PLXNA1: variants seen among roughly 807,000 people sequenced by gnomAD.
PLXNA1 encodes the protein plexin-A1.
PLXNA1 carries 77 observed loss-of-function variants against 191.7 expected under a neutral mutation model. That is an observed-to-expected ratio of 0.40 (90% CI 0.33 to 0.49). The LOEUF is 0.49. Ranked by LOEUF, PLXNA1 falls within the 20% of genes least tolerant of loss-of-function variation. The probability of loss-of-function intolerance (pLI) is 0.63; values close to 1 mark genes in which losing one functional copy is unlikely to be tolerated. For synonymous variants in PLXNA1, 1,137 were observed against 1,156.4 expected, an observed-to-expected ratio of 0.98 and a Z score of 0.34; for missense variants, 2,110 against 2,660.2, an observed-to-expected ratio of 0.79 and a Z score of 4.55.
Position 126,991,574 on chromosome 3 carries a change from C to T in PLXNA1, c.1377+8C>T. ...AGTGGCCGCATCCGCAAGGTCAGGCCTGGGTGGGGTGGGGTGAGGAGGGGG... is the reference window on the plus strand; with the variant it reads ...AGTGGCCGCATCCGCAAGGTCAGGCTTGGGTGGGGTGGGGTGAGGAGGGGG... On this transcript the variant is annotated splice_region_variant and intron_variant, in intron 3 of 31. Coordinates refer to ENST00000393409, the MANE Select transcript of PLXNA1 (RefSeq NM_032242.4). The T allele has an allele frequency of 1.3e-6, 2 of 1,542,826 alleles. No individual in the cohort carries two copies. The highest frequency in any genetic ancestry group is 1.4e-5 in the African/African-American group (1 of 73,486).
intron 28 of PLXNA1, 33 bp from the exon 29 acceptor site, chr3:127,030,210 C>A (rs761591745): frequency 6.2e-7 from 1 of 1,607,720 alleles, no homozygotes; most frequent in South Asian, 1.1e-5. Context: ...AGGCAGCGCC[C>A]TGGGGCTCAG....
Position 127,017,593 on chromosome 3 carries a change from G to A in PLXNA1, c.3445G>A (p.Asp1149Asn). 1 of 1,613,670 alleles carries A rather than the reference G, an allele frequency of 6.2e-7. No individual in the cohort carries two copies. The highest frequency in any genetic ancestry group is 8.5e-7 in the Non-Finnish European group (1 of 1,180,010). The change falls in exon 18 of 32, where the codon GAC becomes AAC. Residue 1149 changes from aspartate to asparagine, a missense_variant. Physicochemically the swap from Asp to Asn is conservative, Grantham distance 23. Coordinates refer to ENST00000393409, the MANE Select transcript of PLXNA1 (RefSeq NM_032242.4). ...CTCCACCTCCTTCCTCTACTACCCT[G>A]ACCCCGTACTGGAGCCACTCAGCCC... Reference protein sequence around the residue: ...LNSTSFLYYPDPVLEPLSPTG... With the variant: ...LNSTSFLYYPNPVLEPLSPTG...
chr3:127,004,846 G>T, intron 5 of PLXNA1, 39 bp from the exon 6 acceptor site: 1 of 1,566,180 alleles, frequency 6.4e-7, no homozygotes, highest in Non-Finnish European at 8.7e-7. Context: ...GGCCCCGTAG[G>T]TCTCCCCATC....
chr3:126,992,955 C>A (rs1394442370), intron 3 of PLXNA1, among the ~76,000 whole-genome samples: 1 of 152,256 alleles, frequency 6.6e-6, no homozygotes, highest in South Asian at 2.1e-4. Flanking sequence ...AGACAGAGGA[C>A]CGTGCTTGTG....
Position 127,017,450 on chromosome 3 carries a change from C to T in PLXNA1, c.3302C>T (p.Thr1101Ile). The change falls in exon 18 of 32, where the codon ACC becomes ATC. Residue 1101 changes from threonine to isoleucine, a missense_variant. Transcript: ENST00000393409. ...ENGCLVYNDT[T>I]MVCRAPSVAN... ...GGCTGCCTGGTGTACAATGACACCA[C>T]CATGGTATGCCGCGCCCCGTCTGTG... The T allele has an allele frequency of 1.2e-6, 2 of 1,613,172 alleles. No individual in the cohort carries two copies. Among genetic ancestry groups the T allele is most frequent in the Non-Finnish European group, 1.7e-6 (2 of 1,179,988 alleles).
chr3:126,995,311 G>A (rs528102443), intron 3 of PLXNA1, among the ~76,000 whole-genome samples: 2 of 152,162 alleles, frequency 1.3e-5, no homozygotes, highest in Non-Finnish European at 2.9e-5. Flanking sequence ...AGCTCCTCCC[G>A]TGGCCTCTGG....
intron 23 of PLXNA1, among the ~76,000 whole-genome samples, chr3:127,024,638 G>A (rs1309961677): frequency 6.6e-6 from 1 of 152,152 alleles, no homozygotes; most frequent in African/African-American, 2.4e-5. Context: ...AGTGTCGGGG[G>A]CAGGCAGGGG....
intron 23 of PLXNA1, among the ~76,000 whole-genome samples, chr3:127,025,227 C>T (rs1446488311): frequency 5.9e-5 from 9 of 152,166 alleles, no homozygotes; most frequent in Non-Finnish European, 1.2e-4. Flanking sequence ...CACTTGTCAT[C>T]TCTCCCTCCC....
At chr3:126,992,831 TGTG>T (rs1281851795) in intron 3 of PLXNA1, among the ~76,000 whole-genome samples, 12 of 152,122 alleles carry the variant, frequency 7.9e-5, no homozygotes, top group Admixed American at 7.8e-4. Context: ...GGTACCGCCC[TGTG>T]GCTCTGGTGC....
In PLXNA1 at chr3:127,033,947, A is replaced by G; in HGVS notation, c.5621A>G (p.Glu1874Gly). 1 of 1,605,300 alleles carries G rather than the reference A, an allele frequency of 6.2e-7. No homozygotes were observed. The highest frequency in any genetic ancestry group is 8.5e-7 in the Non-Finnish European group (1 of 1,177,214). ...ATCCTGGCAGCCCTGGAGAAGGATG[A>G]GCAGGCGCGGCGGCAGCGGCTGCGG... ...DEILAALEKD[E>G]QARRQRLRSK... Residue 1874 changes from glutamate to glycine, a missense_variant, in exon 32 of 32, where the codon GAG (glutamate) becomes GGG (glycine). Glu to Gly is a moderately conservative substitution (Grantham distance 98, BLOSUM62 -2). Coordinates refer to ENST00000393409, the MANE Select transcript of PLXNA1 (RefSeq NM_032242.4).
intron 3 of PLXNA1, among the ~76,000 whole-genome samples, chr3:126,992,276 G>A (rs1226529147): frequency 2.0e-5 from 3 of 152,136 alleles, no homozygotes; most frequent in Non-Finnish European, 1.5e-5. Context: ...GGCTGGCCTG[G>A]TGTGGAGGAA....
intron 19 of PLXNA1, 125 bp downstream of exon 19, chr3:127,018,017 C>A: frequency 7.5e-7 from 1 of 1,336,216 alleles, no homozygotes; most frequent in Non-Finnish European, 1.0e-6. Flanking sequence ...GGGCGCCCGG[C>A]TCCAGTGCAG....
At chr3:126,984,403 G>C (rs2078947177) in intron 1 of PLXNA1, among the ~76,000 whole-genome samples, 1 of 152,230 alleles carries the variant, frequency 6.6e-6, no homozygotes, top group Admixed American at 6.5e-5. Flanking sequence ...AGCCGGTTTG[G>C]GGGTCGGTGC....
rs368708452 is a variant in PLXNA1, at chr3:127,016,927, C to T, written c.3183-17C>T. ...CCAGCATCATTTGGTGACCCCCCCA[C>T]CCCTGTCCTGTTCCAGCGGTGGGAC... On this transcript the variant is annotated splice_polypyrimidine_tract_variant and intron_variant, in intron 16 of 31. Coordinates refer to ENST00000393409, the MANE Select transcript of PLXNA1 (RefSeq NM_032242.4). 70 of 1,606,506 alleles carry T rather than the reference C, an allele frequency of 4.4e-5. No homozygotes were observed. Among genetic ancestry groups the T allele is most frequent in the Non-Finnish European group, 1.4e-5 (16 of 1,175,038 alleles).
intron 7 of PLXNA1, among the ~76,000 whole-genome samples, chr3:127,005,678 T>A (rs1466743175): frequency 6.6e-6 from 1 of 151,098 alleles, no homozygotes; most frequent in Non-Finnish European, 1.5e-5. Flanking sequence ...AGACCTGGGG[T>A]CTTGCGGGGG....
chr3:127,022,022 T>C, intron 21 of PLXNA1, 63 bp from the exon 22 acceptor site: 1 of 1,568,552 alleles, frequency 6.4e-7, no homozygotes, highest in Non-Finnish European at 8.7e-7. Context: ...AGCCCCTCAC[T>C]GGTCAGCTTG....
Position 127,020,307 on chromosome 3 carries a change from C to G in PLXNA1, c.4001C>G (p.Pro1334Arg). The G allele has an allele frequency of 6.2e-7, 1 of 1,613,128 alleles. No homozygotes were observed. The highest frequency in any genetic ancestry group is 8.5e-7 in the Non-Finnish European group (1 of 1,179,968). Reference sequence around the variant, plus strand: ...ACATATGCCATGCGGGTGCTCTTTCCTGGGATCGAGGACCACCCTGTGCTC... The same window carrying G: ...ACATATGCCATGCGGGTGCTCTTTCGTGGGATCGAGGACCACCCTGTGCTC... ...YRTYAMRVLF[P>R]GIEDHPVLKE... Residue 1334 changes from proline (P) to arginine (R), a missense_variant, in exon 21 of 32, where the codon CCT (proline) becomes CGT (arginine). Pro to Arg is a moderately radical substitution (Grantham distance 103). This residue lies in a region of PLXNA1 where 559 missense variants were observed against 911.5 expected (regional missense o/e 0.61). Coordinates refer to ENST00000393409, the MANE Select transcript of PLXNA1 (RefSeq NM_032242.4).
chr3:127,030,232 G>C lies in PLXNA1; in HGVS notation c.5062-11G>C, dbSNP rs773032220. 7.4e-6 allele frequency: 12 copies of C among 1,611,630 alleles called. No individual in the cohort carries two copies. The African/African-American group carries it at 1.6e-4, about 22-fold the overall frequency. ...GCCCTGGGGCTCAGTGTCCCTGCCTGCCCCCCGCAGGGCACACTGCAGAAG... is the reference window on the plus strand; with the variant it reads ...GCCCTGGGGCTCAGTGTCCCTGCCTCCCCCCCGCAGGGCACACTGCAGAAG... On this transcript the variant is annotated splice_polypyrimidine_tract_variant and intron_variant, in intron 28 of 31. Coordinates refer to ENST00000393409, the MANE Select transcript of PLXNA1 (RefSeq NM_032242.4).
intron 9 of PLXNA1, among the ~76,000 whole-genome samples, chr3:127,009,958 G>A (rs1019298426): frequency 2.0e-5 from 3 of 152,210 alleles, no homozygotes; most frequent in Non-Finnish European, 4.4e-5. Flanking sequence ...CAGAAAGGGA[G>A]GAGTGTGGTT....
Sources: gnomAD v4.1 joint callset for allele counts (sites outside exome capture counted in the v4.1 genomes callset) on GRCh38, gnomAD v4.1.1 for gene constraint, gnomAD v4.1.1 regional missense constraint, MANE v1.5 for transcripts, NCBI Gene and HGNC (gene_info 2026-07-23, HGNC 2026-07-21) for gene names.